Variants in PIK3CB observed in about 807,000 individuals in gnomAD.
PIK3CB encodes phosphatidylinositol 4,5-bisphosphate 3-kinase catalytic subunit beta isoform.
A neutral mutation model predicts 136.8 loss-of-function variants in PIK3CB; 39 were observed. That is an observed-to-expected ratio of 0.29 (90% CI 0.22 to 0.37). The LOEUF (loss-of-function observed/expected upper bound fraction) is 0.37. PIK3CB is among the 10% of genes least tolerant of loss of function. The pLI is 1.00. For synonymous variants in PIK3CB, 428 were observed against 436.6 expected (o/e 0.98, Z 0.25); for missense variants, 868 against 1,275.4 (o/e 0.68, Z 4.87).
At chr3:138,718,277 C>G (rs2108595490) in intron 8 of PIK3CB, among the ~76,000 whole-genome samples, 1 of 152,288 alleles carries the variant, frequency 6.6e-6, no homozygotes, top group African/African-American at 2.4e-5. Flanking sequence ...CTCTAATGAT[C>G]AGTGACATTA....
At chr3:138,721,339 AT>A (rs994271398) in intron 8 of PIK3CB, among the ~76,000 whole-genome samples, 3 of 151,844 alleles carry the variant, frequency 2.0e-5, no homozygotes, top group African/African-American at 7.3e-5. Flanking sequence ...ATTTTTTTGT[AT>A]TTTTATTAGA....
intron 13 of PIK3CB, among the ~76,000 whole-genome samples, chr3:138,695,632 A>T (rs1429665444): frequency 1.3e-5 from 2 of 152,192 alleles, no homozygotes; most frequent in East Asian, 1.9e-4. Context: ...CTAATTTTTT[A>T]AAAATTAGCT....
chr3:138,721,676 A>C (rs1005838818), intron 8 of PIK3CB, among the ~76,000 whole-genome samples: 2 of 152,346 alleles, frequency 1.3e-5, no homozygotes, highest in East Asian at 3.9e-4. Flanking sequence ...ATTCAATTAA[A>C]GATAAACCAT....
At chr3:138,737,907 G>A (rs750388579) in intron 5 of PIK3CB, 21 bp from the exon 6 acceptor site, 9 of 1,480,146 alleles carry the variant, frequency 6.1e-6, no homozygotes, top group South Asian at 2.6e-5. Context: ...AGGGAGATGG[G>A]GAAAAAAGCA....
chr3:138,663,301 C>A (rs182769512), intron 21 of PIK3CB, among the ~76,000 whole-genome samples: 2 of 152,108 alleles, frequency 1.3e-5, no homozygotes, highest in African/African-American at 4.8e-5. Flanking sequence ...GTACATTATC[C>A]GCTCCTTCTG....
At chr3:138,833,248 G>T (rs1324389713) in intron 1 of PIK3CB, among the ~76,000 whole-genome samples, 2 of 151,632 alleles carry the variant, frequency 1.3e-5, no homozygotes, top group Admixed American at 1.3e-4. Flanking sequence ...TGTGTTTTTG[G>T]TAGAGACGGG....
At chr3:138,741,922 A>G (rs925306091) in intron 5 of PIK3CB, among the ~76,000 whole-genome samples, 3 of 152,208 alleles carry the variant, frequency 2.0e-5, no homozygotes, top group African/African-American at 4.8e-5. Flanking sequence ...TAGTAGCATC[A>G]TCTAGTTTGT....
intron 10 of PIK3CB, among the ~76,000 whole-genome samples, chr3:138,707,941 C>T (rs2044411948): frequency 6.6e-6 from 1 of 152,132 alleles, no homozygotes; most frequent in Non-Finnish European, 1.5e-5. Flanking sequence ...AGTTAGAAAA[C>T]TCTGGAGTTC....
At chr3:138,664,592 C>G (rs1167557696) in intron 20 of PIK3CB, among the ~76,000 whole-genome samples, 1 of 152,208 alleles carries the variant, frequency 6.6e-6, no homozygotes, top group Non-Finnish European at 1.5e-5. Context: ...CCATTTCCCC[C>G]TCACACTGTG....
At chr3:138,735,231 G>C (rs2045078935) in intron 6 of PIK3CB, among the ~76,000 whole-genome samples, 1 of 151,916 alleles carries the variant, frequency 6.6e-6, no homozygotes, top group Non-Finnish European at 1.5e-5. Context: ...TTACAGGTGT[G>C]AGCCACCAAG....
At chr3:138,826,706 A>G (rs938562804) in intron 1 of PIK3CB, among the ~76,000 whole-genome samples, 14 of 152,042 alleles carry the variant, frequency 9.2e-5, no homozygotes, top group Admixed American at 7.9e-4. Context: ...TTCTTACAAC[A>G]CATACACTCT....
intron 1 of PIK3CB, chr3:138,825,861 A>C (rs1004292915): frequency 7.1e-7 from 1 of 1,400,126 alleles, no homozygotes; most frequent in South Asian, 1.3e-5. Flanking sequence ...CCTGCAGACA[A>C]TGTGGACTTC....
At chr3:138,799,176 C>CTTTTT (rs1157343453) in intron 1 of PIK3CB, among the ~76,000 whole-genome samples, 1 of 130,966 alleles carries the variant, frequency 7.6e-6, no homozygotes, top group African/African-American at 3.1e-5. Flanking sequence ...TCAAATCTTA[C>CTTTTT]TTTTTTTTTT....
chr3:138,755,714 A>G, intron 4 of PIK3CB, 40 bp downstream of exon 4: 1 of 901,872 alleles, frequency 1.1e-6, no homozygotes, highest in Non-Finnish European at 1.8e-6. Context: ...ATAAATAGAT[A>G]TATTAAGAAT....
intron 8 of PIK3CB, among the ~76,000 whole-genome samples, chr3:138,721,013 A>C (rs2044714635): frequency 1.3e-5 from 2 of 152,230 alleles, no homozygotes; most frequent in Admixed American, 6.5e-5. Context: ...AACTACAAAA[A>C]AACTTCAAAG....
Position 138,789,002 on chromosome 3 carries a change from A to C in PIK3CB, c.-17+7461T>G, listed in dbSNP as rs530497591. Among the ~76,000 whole-genome samples the C allele has an allele frequency of 4.7e-3, 694 of 149,038 alleles. 5 individuals carry two copies. Among genetic ancestry groups the C allele is most frequent in the Non-Finnish European group, 6.6e-3 (448 of 67,386 alleles). On this transcript the variant is annotated intron_variant, in intron 2 of 23. Transcript: ENST00000674063. Reference sequence around the variant, plus strand: ...AAAAAAAAAAAAAAAACAAAAAACAACACCACAGAGTTTTTTTTTTATAAA... The same window carrying C: ...AAAAAAAAAAAAAAAACAAAAAACACCACCACAGAGTTTTTTTTTTATAAA...
chr3:138,750,754 T>C (rs932552895), intron 4 of PIK3CB, among the ~76,000 whole-genome samples: 2 of 152,224 alleles, frequency 1.3e-5, no homozygotes, highest in African/African-American at 2.4e-5. Context: ...CATTCAACTG[T>C]TTACTTTGAG....
chr3:138,678,841 T>A (rs2043702791), intron 19 of PIK3CB, among the ~76,000 whole-genome samples: 1 of 151,904 alleles, frequency 6.6e-6, no homozygotes, highest in African/African-American at 2.4e-5. Flanking sequence ...AAATATAAGA[T>A]CAATGCTTGA....
chr3:138,814,892 C>T (rs1933231857), intron 1 of PIK3CB, among the ~76,000 whole-genome samples: 1 of 151,896 alleles, frequency 6.6e-6, no homozygotes, highest in African/African-American at 2.4e-5. Flanking sequence ...AATCCCAGCA[C>T]TTTGAGAGGC....
Sources: allele counts gnomAD v4.1 joint callset (sites outside exome capture counted in the v4.1 genomes callset), GRCh38; gene constraint gnomAD v4.1.1; transcripts MANE v1.5; gene names NCBI Gene and HGNC (gene_info 2026-07-23, HGNC 2026-07-21).